PMS1: variants seen among roughly 807,000 people sequenced by gnomAD.
PMS1 encodes the protein PMS1 homolog 1, mismatch repair system component, also known as PMS1 protein homolog 1.
Under a neutral mutation model 93.1 loss-of-function variants are expected in PMS1, and 79 were observed. That is an observed-to-expected ratio of 0.85 (90% CI 0.71 to 1.02). The LOEUF (loss-of-function observed/expected upper bound fraction) is 1.02. Among genes scored for constraint, PMS1 ranks in the 50% least tolerant of loss-of-function variants. The probability of loss-of-function intolerance (pLI) is 0.00; values close to 1 mark genes in which losing one functional copy is unlikely to be tolerated. For synonymous variants in PMS1, 335 were observed against 363.4 expected (o/e 0.92, Z 0.89); for missense variants, 1,064 against 1,085.3 (o/e 0.98, Z 0.28).
intron 2 of PMS1, among the ~76,000 whole-genome samples, chr2:189,794,408 C>T (rs2049160830): frequency 6.6e-6 from 1 of 152,196 alleles, no homozygotes; most frequent in Non-Finnish European, 1.5e-5. Flanking sequence ...AGCCACTGTG[C>T]CCAGCCAAAC....
At chr2:189,855,998 A>G (rs566133224) in intron 9 of PMS1, 16 of 267,814 alleles carry the variant, frequency 6.0e-5, no homozygotes, top group Admixed American at 1.3e-4. Context: ...ATATTTGGTG[A>G]TAAACTACCT....
chr2:189,866,963 T>C (rs1559328072), intron 10 of PMS1, among the ~76,000 whole-genome samples: 1 of 152,210 alleles, frequency 6.6e-6, no homozygotes, highest in Non-Finnish European at 1.5e-5. Flanking sequence ...ACATGTGATA[T>C]ATAGCCAAAG....
intron 5 of PMS1, among the ~76,000 whole-genome samples, chr2:189,822,771 C>G (rs988175372): frequency 6.6e-6 from 1 of 152,174 alleles, no homozygotes; most frequent in Admixed American, 6.5e-5. Context: ...ATGTCTACCA[C>G]AAAATGTTGG....
intron 4 of PMS1, among the ~76,000 whole-genome samples, chr2:189,812,885 T>A (rs1427901295): frequency 1.3e-5 from 2 of 152,160 alleles, no homozygotes; most frequent in Non-Finnish European, 2.9e-5. Context: ...GTAGCGTAGG[T>A]GTTAGATTAT....
intron 5 of PMS1, among the ~76,000 whole-genome samples, chr2:189,834,842 A>G (rs925012835): frequency 6.6e-6 from 1 of 152,010 alleles, no homozygotes; most frequent in African/African-American, 2.4e-5. Flanking sequence ...TGATCCTCCT[A>G]CCTCAGCCTT....
intron 7 of PMS1, 87 bp downstream of exon 7, chr2:189,852,864 TAAA>T (rs892268224): frequency 4.8e-6 from 4 of 831,262 alleles, no homozygotes; most frequent in Non-Finnish European, 8.0e-6. Context: ...TGCTCTAAAA[TAAA>T]AAAAAAGAAA....
chr2:189,853,074 T>A (rs1241592686), intron 7 of PMS1, among the ~76,000 whole-genome samples: 3 of 152,114 alleles, frequency 2.0e-5, no homozygotes, highest in African/African-American at 7.2e-5. Flanking sequence ...TCTTTTGAGA[T>A]GGAGTTTCGC....
chr2:189,851,302 C>G (rs1227652845), intron 6 of PMS1, among the ~76,000 whole-genome samples: 1 of 152,088 alleles, frequency 6.6e-6, no homozygotes, highest in East Asian at 1.9e-4. Flanking sequence ...TTATTCTTAT[C>G]CTCTCAGGGC....
chr2:189,813,699 T>C (rs1193962521), intron 4 of PMS1, among the ~76,000 whole-genome samples: 1 of 152,230 alleles, frequency 6.6e-6, no homozygotes, highest in Non-Finnish European at 1.5e-5. Context: ...TGCTGTCATA[T>C]GCAAAGCATT....
At chr2:189,785,709 G>A (rs1201567458) in intron 1 of PMS1, among the ~76,000 whole-genome samples, 2 of 105,922 alleles carry the variant, frequency 1.9e-5, no homozygotes, top group African/African-American at 7.3e-5. Context: ...TGAAGGAAAG[G>A]AGGCTGCAGC....
chr2:189,876,796 G>T (rs1269530951), intron 12 of PMS1, among the ~76,000 whole-genome samples: 1 of 136,446 alleles, frequency 7.3e-6, no homozygotes, highest in Non-Finnish European at 1.6e-5. Context: ...TTTTTTTGTG[G>T]AGACTGGGTC....
At chr2:189,804,360 A>G (rs1307330970) in intron 3 of PMS1, among the ~76,000 whole-genome samples, 1 of 152,222 alleles carries the variant, frequency 6.6e-6, no homozygotes, top group African/African-American at 2.4e-5. Flanking sequence ...TGTCCTCTAA[A>G]TTACACCATT....
chr2:189,804,491 G>A (rs5743008), intron 3 of PMS1, among the ~76,000 whole-genome samples: 4 of 152,134 alleles, frequency 2.6e-5, no homozygotes, highest in African/African-American at 9.6e-5. Context: ...TTGACATAGC[G>A]CCCCTAGTAA....
chr2:189,795,349 T>C (rs1203654072), intron 2 of PMS1, among the ~76,000 whole-genome samples: 1 of 152,220 alleles, frequency 6.6e-6, no homozygotes, highest in Non-Finnish European at 1.5e-5. Context: ...CTTGCTAGGT[T>C]CTGCCTGACT....
chr2:189,823,847 T>C (rs2052187429), intron 5 of PMS1, among the ~76,000 whole-genome samples: 1 of 152,206 alleles, frequency 6.6e-6, no homozygotes, highest in Non-Finnish European at 1.5e-5. Flanking sequence ...GTGTATCGTT[T>C]CCCACATATA....
At chr2:189,869,509 G>GT (rs1375181839) in intron 11 of PMS1, among the ~76,000 whole-genome samples, 1 of 151,934 alleles carries the variant, frequency 6.6e-6, no homozygotes, top group Non-Finnish European at 1.5e-5. Flanking sequence ...GCAGGTACTG[G>GT]TTTTTTTCAT....
intron 5 of PMS1, among the ~76,000 whole-genome samples, chr2:189,825,814 A>G (rs936862108): frequency 6.6e-6 from 1 of 152,158 alleles, no homozygotes; most frequent in African/African-American, 2.4e-5. Flanking sequence ...ATTAAGGCTT[A>G]TTGAGATGTT....
At chr2:189,784,818 C>G (rs1171131237) in intron 1 of PMS1, 1 of 152,274 alleles carries the variant, frequency 6.6e-6, no homozygotes, top group Non-Finnish European at 1.5e-5. Context: ...CGTCCCATTC[C>G]CCAGACCCTT....
At chr2:189,817,600 T>A (rs1187903917) in intron 4 of PMS1, among the ~76,000 whole-genome samples, 1 of 152,192 alleles carries the variant, frequency 6.6e-6, no homozygotes, top group Non-Finnish European at 1.5e-5. Context: ...GGTTACCAGA[T>A]ATTATTTCAG....
Sources: gnomAD v4.1 joint callset for allele counts (sites outside exome capture counted in the v4.1 genomes callset) on GRCh38, gnomAD v4.1.1 for gene constraint, MANE v1.5 for transcripts, NCBI Gene and HGNC (gene_info 2026-07-23, HGNC 2026-07-21) for gene names.